TTC34: variants seen among roughly 807,000 people sequenced by gnomAD.
TTC34 encodes the protein tetratricopeptide repeat protein 34.
A neutral mutation model predicts 40.7 loss-of-function variants in TTC34; 44 were observed. The ratio of observed to expected loss-of-function variants is 1.08; its 90% confidence interval spans 0.85 to 1.39. The LOEUF (loss-of-function observed/expected upper bound fraction) is 1.39, where lower values mean the gene tolerates loss of function less well. TTC34 is among the 40% of genes most tolerant of loss of function. The pLI, the probability that TTC34 is intolerant of heterozygous loss-of-function variation, is 0.00. For missense variants in TTC34, 884 were observed against 838.0 expected, an observed-to-expected ratio of 1.05 and a Z score of -0.68; for synonymous variants, 422 against 398.6, an observed-to-expected ratio of 1.06 and a Z score of -0.70.
intron 2 of TTC34, among the ~76,000 whole-genome samples, chr1:2,791,982 G>A (rs1165587337): frequency 9.6e-6 from 1 of 103,998 alleles, no homozygotes; most frequent in Non-Finnish European, 1.9e-5. Context: ...TTATTGCACT[G>A]TTCAACTCTA....
chr1:2,696,431 A>AC (rs200005716), intron 6 of TTC34, among the ~76,000 whole-genome samples: 2 of 70,466 alleles, frequency 2.8e-5, no homozygotes, highest in African/African-American at 5.2e-5. Context: ...CTGGAGCAGC[A>AC]CCCACACCCC....
chr1:2,749,646 A>C (rs1327294920), intron 6 of TTC34, among the ~76,000 whole-genome samples: 6 of 65,674 alleles, frequency 9.1e-5, no homozygotes, highest in Admixed American at 3.2e-4. Context: ...CCCCACACCC[A>C]GAGGTGAGCA....
intron 1 of TTC34, 134 bp downstream of exon 1, chr1:2,801,443 A>C (rs1643772153): frequency 6.6e-6 from 1 of 152,168 alleles, no homozygotes. Context: ...GGTTCCAGGG[A>C]CAGCCCCTGG....
At chr1:2,692,479 T>C (rs1399785458) in intron 6 of TTC34, among the ~76,000 whole-genome samples, 1 of 128,172 alleles carries the variant, frequency 7.8e-6, no homozygotes. Context: ...GGTGAGCATC[T>C]GACAGCCTGG....
intron 2 of TTC34, among the ~76,000 whole-genome samples, chr1:2,797,791 C>T (rs751334819): frequency 6.6e-6 from 1 of 151,942 alleles, no homozygotes; most frequent in Non-Finnish European, 1.5e-5. Flanking sequence ...CTCTGACACC[C>T]CTTTTCCCAT....
intron 6 of TTC34, among the ~76,000 whole-genome samples, chr1:2,749,053 A>G: frequency 2.5e-5 from 1 of 39,798 alleles, no homozygotes; most frequent in South Asian, 1.2e-3. Context: ...CCCAGGTGAG[A>G]ATCCGACAGC....
chr1:2,787,341 T>C, intron 4 of TTC34, 140 bp downstream of exon 4: 2 of 679,258 alleles, frequency 2.9e-6, no homozygotes, highest in Non-Finnish European at 4.5e-6. Context: ...CTGCAGCAGG[T>C]GCAGAGCTGG....
chr1:2,789,084 C>CA (rs1327781333), intron 3 of TTC34, among the ~76,000 whole-genome samples: 2 of 152,014 alleles, frequency 1.3e-5, no homozygotes, highest in Non-Finnish European at 2.9e-5. Flanking sequence ...TCTCAAAGAA[C>CA]AAAAAACAAA....
rs1641300212 is a variant in TTC34 at position 2,750,973 on chromosome 1, G to A, written c.2226+32636C>T. Among the ~76,000 whole-genome samples, 2 of 112,838 alleles carry A rather than the reference G, an allele frequency of 1.8e-5. 1 individual carries two copies. Among genetic ancestry groups the A allele is most frequent in the East Asian group, 6.6e-4 (2 of 3,046 alleles). 74.0% of individuals were successfully genotyped at this position (112,838 alleles called of 152,430 possible). A position where few individuals can be genotyped will look rare whatever the true frequency, so the allele number is the denominator to read the frequency against. On this transcript the variant is annotated intron_variant, in intron 6 of 8. Coordinates refer to ENST00000401095, the Ensembl canonical transcript of TTC34. ...CCTGGAGCAGCACCCACACCCCCAG[G>A]TGCGCATGTGATGGTCTGGAGCAGC...
chr1:2,673,292 G>C (rs1639766961), intron 6 of TTC34, among the ~76,000 whole-genome samples: 1 of 86,060 alleles, frequency 1.2e-5, no homozygotes, highest in African/African-American at 3.4e-5. Flanking sequence ...GTGAGCATTT[G>C]ACAGCCTGGA....
chr1:2,761,329 G>A (rs1641678364), intron 6 of TTC34, among the ~76,000 whole-genome samples: 1 of 81,466 alleles, frequency 1.2e-5, no homozygotes, highest in African/African-American at 8.7e-5. Context: ...CACAACCCCA[G>A]GTGAGTATCT....
intron 6 of TTC34, chr1:2,775,033 G>A (rs1642965060): frequency 7.6e-6 from 1 of 131,076 alleles, no homozygotes; most frequent in Admixed American, 7.7e-5. Context: ...ACACCCCCAG[G>A]TGAGCATCTG....
intron 6 of TTC34, among the ~76,000 whole-genome samples, chr1:2,660,779 G>A (rs1182674909): frequency 3.2e-5 from 4 of 125,128 alleles, no homozygotes; most frequent in African/African-American, 9.9e-5. Flanking sequence ...ACAGACTGGA[G>A]CAGCACCCAC....
intron 5 of TTC34, among the ~76,000 whole-genome samples, chr1:2,784,069 A>G (rs771919890): frequency 4.6e-5 from 7 of 152,158 alleles, no homozygotes; most frequent in Non-Finnish European, 7.4e-5. Context: ...TAGCACTACC[A>G]TCAAGACGCG....
chr1:2,759,296 GTCCTGGAACA>G (rs1641612123), intron 6 of TTC34, among the ~76,000 whole-genome samples: 3 of 34,040 alleles, frequency 8.8e-5, no homozygotes, highest in Non-Finnish European at 1.7e-4. Context: ...AGCATCTGAC[GTCCTGGAACA>G]GCACCCACAC....
intron 6 of TTC34, among the ~76,000 whole-genome samples, chr1:2,651,715 C>G (rs865909587): frequency 4.6e-5 from 7 of 151,198 alleles, no homozygotes; most frequent in African/African-American, 7.3e-5. Flanking sequence ...AGCACCACCC[C>G]TCTCCAACCT....
intron 2 of TTC34, among the ~76,000 whole-genome samples, chr1:2,793,197 T>C (rs927873348): frequency 6.6e-6 from 1 of 152,228 alleles, no homozygotes; most frequent in Non-Finnish European, 1.5e-5. Flanking sequence ...TTTTCCCCAA[T>C]CTGGTGGGTG....
intron 7 of TTC34, 88 bp from the exon 8 acceptor site, chr1:2,644,566 C>T: frequency 3.0e-6 from 4 of 1,344,930 alleles, no homozygotes; most frequent in Non-Finnish European, 4.0e-6. Context: ...CCTTCCCTGC[C>T]CTGTGCTGGC....
At chr1:2,772,963 G>T (rs1364721302) in intron 6 of TTC34, among the ~76,000 whole-genome samples, 1 of 126,976 alleles carries the variant, frequency 7.9e-6, no homozygotes. Context: ...TGACAGCCTG[G>T]AGCAGCATGC....
Sources: gnomAD v4.1 joint callset for allele counts (sites outside exome capture counted in the v4.1 genomes callset) on GRCh38, gnomAD v4.1.1 for gene constraint, MANE v1.5 for transcripts, NCBI Gene and HGNC (gene_info 2026-07-23, HGNC 2026-07-21) for gene names.